Variants in LAMA3 observed in about 807,000 individuals in gnomAD.
The protein encoded by LAMA3 is laminin subunit alpha-3.
Under a neutral mutation model 402.0 loss-of-function variants are expected in LAMA3, and 281 were observed. That is an observed-to-expected ratio of 0.70 (90% CI 0.63 to 0.77). The LOEUF (loss-of-function observed/expected upper bound fraction) is 0.77. LAMA3 is among the 30% of genes least tolerant of loss of function. LAMA3 has a pLI of 0.00. For synonymous variants in LAMA3, 1,431 were observed against 1,558.4 expected (o/e 0.92, Z 1.93); for missense variants, 3,840 against 4,215.5 (o/e 0.91, Z 2.47).
At position 23,954,890 on chromosome 18, in the gene LAMA3, CAGA is replaced by C; in HGVS notation, c.*244_*246del. On this transcript the variant is annotated 3_prime_UTR_variant, in exon 75 of 75. Transcript: ENST00000313654. ...AAATTGTTATTCAAATTGTTATGCA[CAGA>C]ATGTTTTTGGTAATATTAATTTCCA... 1 of 506,644 alleles carries C rather than the reference CAGA, an allele frequency of 2.0e-6. No homozygotes were observed. Among genetic ancestry groups the C allele is most frequent in the Non-Finnish European group, 3.5e-6 (1 of 283,246 alleles). 31.4% of individuals were successfully genotyped at this position (506,644 alleles called of 1,614,324 possible).
At chr18:23,789,162 C>T (rs2062603485) in intron 12 of LAMA3, among the ~76,000 whole-genome samples, 8 of 152,024 alleles carry the variant, frequency 5.3e-5, no homozygotes, top group Admixed American at 5.2e-4. Flanking sequence ...ACTAGAAAGG[C>T]AGGCAATAAC....
intron 32 of LAMA3, among the ~76,000 whole-genome samples, chr18:23,852,755 G>A (rs570718555): frequency 2.6e-5 from 4 of 152,290 alleles, no homozygotes; most frequent in Non-Finnish European, 4.4e-5. Flanking sequence ...CCAACTTTCC[G>A]TGATTTGACT....
chr18:23,945,504 G>A (rs1197695698), intron 69 of LAMA3, among the ~76,000 whole-genome samples: 1 of 152,200 alleles, frequency 6.6e-6, no homozygotes, highest in Admixed American at 6.5e-5. Context: ...GAGGATTTCT[G>A]TCGTGAACAT....
intron 12 of LAMA3, among the ~76,000 whole-genome samples, chr18:23,790,550 C>CCACTTTTCTTTTCTGAGTAGTTTGT (rs1389750878): frequency 6.6e-6 from 1 of 152,140 alleles, no homozygotes; most frequent in Non-Finnish European, 1.5e-5. Flanking sequence ...AAGTAGTTTG[C>CCACTTTTCTTTTCTGAGTAGTTTGT]CACTTTTCTT....
At chr18:23,738,996 A>G (rs1241546522) in intron 2 of LAMA3, among the ~76,000 whole-genome samples, 7 of 152,316 alleles carry the variant, frequency 4.6e-5, no homozygotes, top group Middle Eastern at 3.4e-3. Flanking sequence ...TTGGAAGTCA[A>G]GGAAACAAAA....
intron 12 of LAMA3, among the ~76,000 whole-genome samples, chr18:23,803,099 AGCATTCT>A (rs1189914633): frequency 2.2e-4 from 33 of 152,244 alleles, no homozygotes; most frequent in African/African-American, 8.0e-4. Context: ...CAGTAAATAA[AGCATTCT>A]GTAAGTCTAC....
At chr18:23,709,710 T>C in intron 1 of LAMA3, 2 of 436,644 alleles carry the variant, frequency 4.6e-6, no homozygotes, top group East Asian at 5.2e-5. Flanking sequence ...TCCTCAATGA[T>C]CTTCCATCTG....
chr18:23,702,618 C>T (rs1050991481), intron 1 of LAMA3, among the ~76,000 whole-genome samples: 3 of 152,342 alleles, frequency 2.0e-5, no homozygotes, highest in South Asian at 2.1e-4. Flanking sequence ...TGAGCCACCA[C>T]GCCTAGCTTA....
chr18:23,705,226 G>A (rs914073807), intron 1 of LAMA3, among the ~76,000 whole-genome samples: 5 of 152,102 alleles, frequency 3.3e-5, no homozygotes, highest in African/African-American at 9.7e-5. Context: ...TTGAACATGG[G>A]AGTTCTCTGT....
chr18:23,811,363 C>T (rs754206618), intron 13 of LAMA3, among the ~76,000 whole-genome samples: 8 of 152,264 alleles, frequency 5.3e-5, no homozygotes, highest in East Asian at 1.9e-4. Context: ...CCCCTTCCTG[C>T]GCTTTGAAGA....
Position 23,778,075 on chromosome 18 carries a change from A to G in LAMA3, c.1468+456A>G, listed in dbSNP as rs554548609. Among the ~76,000 whole-genome samples the G allele has an allele frequency of 3.9e-5, 6 of 152,284 alleles. No homozygotes were observed. The East Asian group carries it at 1.2e-3, about 29-fold the overall frequency. ...GTGGAGGCATTAATGCTTCTGGGGCATTCACCCTCTGGCACTTACAGCTTG... is the reference window on the plus strand; with the variant it reads ...GTGGAGGCATTAATGCTTCTGGGGCGTTCACCCTCTGGCACTTACAGCTTG... On this transcript the variant is annotated intron_variant, in intron 11 of 74. Transcript: ENST00000313654.
At chr18:23,777,437 T>C in intron 10 of LAMA3, 120 bp from the exon 11 acceptor site, 1 of 726,740 alleles carries the variant, frequency 1.4e-6, no homozygotes, top group Non-Finnish European at 2.5e-6. Context: ...TTTAAATTAG[T>C]CTCTATATGC....
At chr18:23,703,323 G>A (rs571233826) in intron 1 of LAMA3, among the ~76,000 whole-genome samples, 101 of 152,258 alleles carry the variant, frequency 6.6e-4, no homozygotes, top group African/African-American at 2.4e-3. Context: ...CGTAAGATAG[G>A]CAGTATTAAC....
At chr18:23,952,531 A>C (rs1203264210) in intron 73 of LAMA3, among the ~76,000 whole-genome samples, 1 of 152,210 alleles carries the variant, frequency 6.6e-6, no homozygotes, top group African/African-American at 2.4e-5. Context: ...ACTACATTGC[A>C]ATTAGCTGAG....
chr18:23,884,877 TCAGC>T, intron 41 of LAMA3, 24 bp downstream of exon 41: 1 of 1,583,802 alleles, frequency 6.3e-7, no homozygotes, highest in Non-Finnish European at 8.6e-7. Context: ...CCCTCCCGCC[TCAGC>T]CTGCAGAGGG....
chr18:23,859,734 T>TTTTG (rs904368808), intron 34 of LAMA3, among the ~76,000 whole-genome samples: 1 of 152,168 alleles, frequency 6.6e-6, no homozygotes, highest in Non-Finnish European at 1.5e-5. Context: ...ATTTAGGGTT[T>TTTTG]TTTGTTTGTT....
chr18:23,952,600 CT>C, intron 73 of LAMA3, among the ~76,000 whole-genome samples: 1 of 152,192 alleles, frequency 6.6e-6, no homozygotes, highest in Non-Finnish European at 1.5e-5. Flanking sequence ...TTGGCATCAG[CT>C]TTCAGAAGTC....
chr18:23,906,885 A>C (rs557448926), intron 52 of LAMA3, among the ~76,000 whole-genome samples: 1 of 152,240 alleles, frequency 6.6e-6, no homozygotes. Context: ...GCCATGAATC[A>C]TCAAGATGGT....
intron 23 of LAMA3, 49 bp downstream of exon 23, chr18:23,827,516 T>A: frequency 6.3e-7 from 1 of 1,591,382 alleles, no homozygotes; most frequent in Non-Finnish European, 8.6e-7. Context: ...CCTCCCCATC[T>A]GTATCTGCTA....
Sources: allele counts gnomAD v4.1 joint callset (sites outside exome capture counted in the v4.1 genomes callset), GRCh38; gene constraint gnomAD v4.1.1; transcripts MANE v1.5; gene names NCBI Gene and HGNC (gene_info 2026-07-23, HGNC 2026-07-21).